METTL15: variants seen among roughly 807,000 people sequenced by gnomAD.
METTL15 encodes the protein 12S rRNA N(4)-cytidine methyltransferase METTL15.
In METTL15, 34 loss-of-function variants were observed where a neutral mutation model predicts 38.3. The observed-to-expected ratio is 0.89, with a 90% CI of 0.68 to 1.18. METTL15 has a LOEUF of 1.18. METTL15 is among the 50% of genes most tolerant of loss of function. METTL15 has a pLI of 0.00. For missense variants in METTL15, 438 were observed against 498.4 expected (o/e 0.88, Z 1.15); for synonymous variants, 162 against 170.9 (o/e 0.95, Z 0.41).
chr11:28,501,881 C>T (rs1851586367), intron 6 of METTL15, among the ~76,000 whole-genome samples: 1 of 152,092 alleles, frequency 6.6e-6, no homozygotes, highest in Admixed American at 6.6e-5. Flanking sequence ...AGGCGGATCA[C>T]GAAGTCAGGA....
intron 6 of METTL15, among the ~76,000 whole-genome samples, chr11:28,445,563 C>T (rs188497117): frequency 6.6e-6 from 1 of 152,180 alleles, no homozygotes; most frequent in Non-Finnish European, 1.5e-5. Flanking sequence ...GTGTTCATGT[C>T]CCTTTAGTCT....
chr11:28,221,901 C>T (rs7129953), intron 4 of METTL15, among the ~76,000 whole-genome samples: 69,938 of 151,888 alleles, frequency 0.46, 17,758 homozygotes, highest in Admixed American at 0.56. Flanking sequence ...GCTGCCTGAT[C>T]GTTCCTCTGG....
At chr11:28,420,760 A>G (rs1226705729) in intron 5 of METTL15, among the ~76,000 whole-genome samples, 1 of 152,098 alleles carries the variant, frequency 6.6e-6, no homozygotes, top group Non-Finnish European at 1.5e-5. Flanking sequence ...GCCTACATCA[A>G]AAAAGACGAA....
chr11:28,456,445 GTTTTGT>G (rs2133451863), intron 6 of METTL15, among the ~76,000 whole-genome samples: 1 of 151,554 alleles, frequency 6.6e-6, no homozygotes, highest in African/African-American at 2.4e-5. Context: ...TTGTTTGTTT[GTTTTGT>G]TTTGTTTTGT....
intron 3 of METTL15, among the ~76,000 whole-genome samples, chr11:28,184,062 T>G (rs1309780094): frequency 6.6e-6 from 1 of 152,120 alleles, no homozygotes; most frequent in Non-Finnish European, 1.5e-5. Flanking sequence ...TTTATGGTAT[T>G]CTCTGATGGT....
At chr11:28,346,751 T>C (rs1327813439) in intron 3 of METTL15, among the ~76,000 whole-genome samples, 3 of 152,242 alleles carry the variant, frequency 2.0e-5, no homozygotes, top group African/African-American at 7.2e-5. Context: ...CCTATTTTTA[T>C]TTAAGGCATG....
At chr11:28,270,183 T>A (rs1011105579) in intron 4 of METTL15, among the ~76,000 whole-genome samples, 2 of 152,230 alleles carry the variant, frequency 1.3e-5, no homozygotes, top group African/African-American at 4.8e-5. Context: ...TATATAATTT[T>A]TAAAATATGG....
intron 5 of METTL15, among the ~76,000 whole-genome samples, chr11:28,294,097 A>C (rs1856634932): frequency 6.6e-6 from 1 of 152,148 alleles, no homozygotes; most frequent in Non-Finnish European, 1.5e-5. Flanking sequence ...ACTATGTTGA[A>C]TAGGAGTGGT....
At chr11:28,186,232 A>T (rs990511856) in intron 3 of METTL15, among the ~76,000 whole-genome samples, 1 of 151,198 alleles carries the variant, frequency 6.6e-6, no homozygotes, top group Admixed American at 6.6e-5. Flanking sequence ...ATTTTGTAAG[A>T]TGTTTCAGGG....
At chr11:28,520,614 CT>C (rs1331300108) in intron 6 of METTL15, among the ~76,000 whole-genome samples, 1 of 152,102 alleles carries the variant, frequency 6.6e-6, no homozygotes, top group Non-Finnish European at 1.5e-5. Flanking sequence ...TGAGTCTTTT[CT>C]TTGGTTTCAG....
chr11:28,431,776 TAAAAAAATAAATTTAA>T (rs1564929846), intron 6 of METTL15, among the ~76,000 whole-genome samples: 1 of 51,350 alleles, frequency 1.9e-5, no homozygotes, highest in African/African-American at 7.8e-5. Context: ...GAATTATCAA[TAAAAAAATAAATTTAA>T]AAAAAAAAAA....
chr11:28,463,266 C>A (rs904167752), intron 6 of METTL15, among the ~76,000 whole-genome samples: 1 of 152,024 alleles, frequency 6.6e-6, no homozygotes, highest in Non-Finnish European at 1.5e-5. Flanking sequence ...TGGTCAAGAG[C>A]CTCTCTTATT....
At chr11:28,308,947 T>C (rs1857178366) in intron 6 of METTL15, among the ~76,000 whole-genome samples, 1 of 137,742 alleles carries the variant, frequency 7.3e-6, no homozygotes, top group South Asian at 2.3e-4. Flanking sequence ...CAGGCAGGCA[T>C]GGATGGCAAG....
At chr11:28,300,437 C>T (rs756379590) in intron 6 of METTL15, among the ~76,000 whole-genome samples, 1 of 152,184 alleles carries the variant, frequency 6.6e-6, no homozygotes, top group African/African-American at 2.4e-5. Context: ...CTGTAAGTCA[C>T]GTGATTAAGC....
rs556063270 is a variant in METTL15 at position 28,377,726 on chromosome 11, A to C, written c.*358+15690A>C. 4.6e-5 allele frequency among the ~76,000 whole-genome samples: 7 copies of C among 152,278 alleles called. No homozygotes were observed. The East Asian group carries it at 1.2e-3, about 25-fold the overall frequency. On this transcript the variant is annotated intron_variant and NMD_transcript_variant, in intron 5 of 7. Coordinates refer to the METTL15 transcript ENST00000532947. ...AGGAGCTGCATTCCTTTGGATGAGG[A>C]GAGGCACTCTGCTTTTTAGAGTTTC...
Position 28,238,911 on chromosome 11 carries a change from C to T in METTL15, c.407+27713C>T, listed in dbSNP as rs771223429. 3.9e-5 allele frequency among the ~76,000 whole-genome samples: 6 copies of T among 152,158 alleles called. No individual in the cohort carries two copies. In the East Asian group the frequency reaches 9.6e-4, roughly 24 times the overall value. ...AGATAAACACATAAGCCATCAGCAT[C>T]GTGTGTCATAGTTGACTATTTCCTA... is the stretch of plus-strand genomic sequence containing the variant. On this transcript the variant is annotated intron_variant, in intron 4 of 6. Coordinates refer to ENST00000407364, the MANE Select transcript of METTL15 (RefSeq NM_001113528.2).
At chr11:28,364,034 G>A (rs1464026026) in intron 5 of METTL15, among the ~76,000 whole-genome samples, 1 of 152,028 alleles carries the variant, frequency 6.6e-6, no homozygotes, top group East Asian at 1.9e-4. Context: ...TGTTTCGCTG[G>A]TCTGCGTGCC....
intron 4 of METTL15, among the ~76,000 whole-genome samples, chr11:28,238,930 T>C (rs1275903623): frequency 6.6e-6 from 1 of 152,216 alleles, no homozygotes; most frequent in African/African-American, 2.4e-5. Flanking sequence ...TAGTTGACTA[T>C]TTCCTATTCC....
intron 6 of METTL15, among the ~76,000 whole-genome samples, chr11:28,516,012 A>G (rs1851716660): frequency 6.6e-6 from 1 of 152,234 alleles, no homozygotes; most frequent in Admixed American, 6.5e-5. Context: ...GAACCACAGA[A>G]GTTATACTTA....
Sources: gnomAD v4.1 joint callset for allele counts (sites outside exome capture counted in the v4.1 genomes callset) on GRCh38, gnomAD v4.1.1 for gene constraint, MANE v1.5 for transcripts, NCBI Gene and HGNC (gene_info 2026-07-23, HGNC 2026-07-21) for gene names.